The following APP variants were observed in gnomAD, a reference collection of about 807,000 sequenced individuals.
APP encodes amyloid-beta precursor protein.
Under a neutral mutation model 101.4 loss-of-function variants are expected in APP, and 31 were observed. The observed-to-expected ratio is 0.31, with a 90% CI of 0.23 to 0.41. The LOEUF (loss-of-function observed/expected upper bound fraction) is 0.41. Among genes scored for constraint, APP ranks in the 10% least tolerant of loss-of-function variants. The pLI is 1.00. For missense variants in APP, 839 were observed against 1,003.7 expected, an observed-to-expected ratio of 0.84 and a Z score of 2.22; for synonymous variants, 366 against 364.4, an observed-to-expected ratio of 1.00 and a Z score of -0.05.
At chr21:25,897,366 G>T (rs978982444) in intron 16 of APP, among the ~76,000 whole-genome samples, 1 of 152,136 alleles carries the variant, frequency 6.6e-6, no homozygotes, top group Admixed American at 6.6e-5. Context: ...CACCCGCCTT[G>T]GCCTCCCAAA....
Position 25,911,783 on chromosome 21 carries a change from A to G in APP, c.1867T>C (p.Ser623Pro), listed in dbSNP as rs199761619. 6.2e-7 allele frequency: 1 copy of G among 1,614,114 alleles called. No individual in the cohort carries two copies. Among genetic ancestry groups the G allele is most frequent in the Non-Finnish European group, 8.5e-7 (1 of 1,180,036 alleles). The change falls in exon 14 of 18, where the codon TCT (serine) becomes CCT (proline). Residue 623 changes from serine to proline, a missense_variant. Physicochemically the swap from Ser to Pro is moderately conservative, Grantham distance 74. Coordinates refer to ENST00000346798, the MANE Select transcript of APP (RefSeq NM_000484.4). ...GCTGGCACAGAGTCAGCCCCAAAAG[A>G]ATGCCACGGCTGGAGATCGTCCAGG... ...FSLDDLQPWH[S>P]FGADSVPANT...
At chr21:25,958,043 C>A (rs1191904055) in intron 11 of APP, among the ~76,000 whole-genome samples, 1 of 151,950 alleles carries the variant, frequency 6.6e-6, no homozygotes, top group Non-Finnish European at 1.5e-5. Context: ...TTCATCATAA[C>A]TTCTTTTTTT....
chr21:25,932,756 C>A (rs945892374), intron 13 of APP, among the ~76,000 whole-genome samples: 2 of 151,840 alleles, frequency 1.3e-5, no homozygotes. Flanking sequence ...AAACACATTT[C>A]ATCTCAAATT....
chr21:26,050,896 C>G, intron 5 of APP, 104 bp downstream of exon 5: 1 of 1,396,952 alleles, frequency 7.2e-7, no homozygotes, highest in Middle Eastern at 2.4e-4. Flanking sequence ...TGGGAGTGGG[C>G]AGAGACCTTT....
chr21:26,166,084 C>G (rs959288702), intron 1 of APP, among the ~76,000 whole-genome samples: 3 of 152,026 alleles, frequency 2.0e-5, no homozygotes, highest in African/African-American at 7.3e-5. Context: ...TACTAGTGTC[C>G]TCACAGTAAT....
chr21:25,909,180 A>G (rs2038936443), intron 14 of APP, among the ~76,000 whole-genome samples: 1 of 150,266 alleles, frequency 6.7e-6, no homozygotes, highest in Non-Finnish European at 1.5e-5. Context: ...AGAAAATGGC[A>G]TGAACCTGGG....
intron 3 of APP, among the ~76,000 whole-genome samples, chr21:26,062,662 A>AAATAAATAAATAAATG: frequency 2.4e-4 from 1 of 4,240 alleles, no homozygotes; most frequent in South Asian, 3.8e-3. Context: ...ACTCTGTCTC[A>AAATAAATAAATAAATG]AATAAATAAA....
intron 11 of APP, among the ~76,000 whole-genome samples, chr21:25,956,963 G>A (rs952697295): frequency 6.6e-6 from 1 of 152,120 alleles, no homozygotes; most frequent in Admixed American, 6.5e-5. Flanking sequence ...CACAGGGCTG[G>A]ATTTGGTCTT....
At chr21:26,077,662 G>A (rs1323768973) in intron 3 of APP, among the ~76,000 whole-genome samples, 1 of 151,554 alleles carries the variant, frequency 6.6e-6, no homozygotes, top group South Asian at 2.1e-4. Context: ...AGCCTCGTTC[G>A]TCTCCTCCAA....
intron 1 of APP, among the ~76,000 whole-genome samples, chr21:26,116,724 C>T (rs1470571102): frequency 6.6e-6 from 1 of 152,094 alleles, no homozygotes; most frequent in African/African-American, 2.4e-5. Context: ...TAGTTGCATC[C>T]GTGGATTTAT....
intron 6 of APP, among the ~76,000 whole-genome samples, chr21:26,003,403 T>C (rs1307729279): frequency 1.3e-5 from 2 of 152,188 alleles, no homozygotes; most frequent in Admixed American, 1.3e-4. Flanking sequence ...TTAGGGGCAG[T>C]TGGCACTCTT....
chr21:26,117,947 G>A (rs1199034868), intron 1 of APP, among the ~76,000 whole-genome samples: 10 of 152,128 alleles, frequency 6.6e-5, no homozygotes, highest in Admixed American at 1.3e-4. Flanking sequence ...AATTCTTTTT[G>A]GGTCACTGTT....
intron 5 of APP, among the ~76,000 whole-genome samples, chr21:26,043,777 A>AG (rs11371103): frequency 1 from 152,264 of 152,266 alleles, 76,131 homozygotes; most frequent in Non-Finnish European, 1. Context: ...GAATACCATC[A>AG]GGTCTTGGAC....
chr21:25,900,002 C>T (rs1007293317), intron 15 of APP, among the ~76,000 whole-genome samples: 1 of 152,196 alleles, frequency 6.6e-6, no homozygotes, highest in Non-Finnish European at 1.5e-5. Context: ...ACGAGACCCA[C>T]AGAGTTCTCT....
chr21:25,926,003 A>T (rs978233525), intron 13 of APP, among the ~76,000 whole-genome samples: 14 of 152,350 alleles, frequency 9.2e-5, no homozygotes, highest in Non-Finnish European at 1.6e-4. Flanking sequence ...AAACAAAGCA[A>T]GGCATGAGAT....
chr21:25,933,263 TA>T (rs1332449118), intron 13 of APP, among the ~76,000 whole-genome samples: 2 of 152,166 alleles, frequency 1.3e-5, no homozygotes, highest in African/African-American at 4.8e-5. Context: ...CACACCTGGC[TA>T]ATTTTTAAAT....
At chr21:25,956,973 T>C (rs2041349656) in intron 11 of APP, among the ~76,000 whole-genome samples, 1 of 152,242 alleles carries the variant, frequency 6.6e-6, no homozygotes, top group South Asian at 2.1e-4. Context: ...GATTTGGTCT[T>C]TTTTCTTTAT....
intron 2 of APP, among the ~76,000 whole-genome samples, chr21:26,111,433 C>G (rs992310961): frequency 5.3e-5 from 8 of 152,030 alleles, no homozygotes; most frequent in South Asian, 2.1e-4. Context: ...GAGATATATA[C>G]TGAAGATGAA....
Position 25,979,984 on chromosome 21 carries a change from CTG to C in APP, c.1224+2358_1224+2359del, listed in dbSNP as rs557363012. 2.0e-5 allele frequency among the ~76,000 whole-genome samples: 3 copies of C among 152,294 alleles called. No homozygotes were observed. In the East Asian group the frequency reaches 5.8e-4, roughly 29 times the overall value. ...AATGAAAGGTAAGAGCAATGACTGCCTGTCTCATTCTGAGTATGAAGTGGGGT... is the reference window on the plus strand; with the variant it reads ...AATGAAAGGTAAGAGCAATGACTGCCTCTCATTCTGAGTATGAAGTGGGGT... On this transcript the variant is annotated intron_variant, in intron 9 of 17. Coordinates refer to ENST00000346798, the MANE Select transcript of APP (RefSeq NM_000484.4).
Sources: allele counts gnomAD v4.1 joint callset (sites outside exome capture counted in the v4.1 genomes callset), GRCh38; gene constraint gnomAD v4.1.1; transcripts MANE v1.5; gene names NCBI Gene and HGNC (gene_info 2026-07-23, HGNC 2026-07-21).